PLCG2: variants seen among roughly 807,000 people sequenced by gnomAD.
PLCG2 encodes the protein 1-phosphatidylinositol 4,5-bisphosphate phosphodiesterase gamma-2.
A neutral mutation model predicts 175.6 loss-of-function variants in PLCG2; 69 were observed. That is an observed-to-expected ratio of 0.39 (90% confidence interval 0.32 to 0.48). The LOEUF is 0.48. Among genes scored for constraint, PLCG2 ranks in the 20% least tolerant of loss-of-function variants. The pLI is 0.91. For missense variants in PLCG2, 1,798 were observed against 1,650.9 expected (o/e 1.09, Z -1.54); for synonymous variants, 827 against 624.0 (o/e 1.33, Z -4.85).
At chr16:81,762,363 G>T (rs1486831966) in intron 2 of PLCG2, among the ~76,000 whole-genome samples, 2 of 152,206 alleles carry the variant, frequency 1.3e-5, no homozygotes, top group East Asian at 3.9e-4. Flanking sequence ...GAGGTCAGGA[G>T]TTCAAGACCA....
At chr16:81,795,507 G>A (rs1333311853) in intron 2 of PLCG2, among the ~76,000 whole-genome samples, 1 of 152,210 alleles carries the variant, frequency 6.6e-6, no homozygotes, top group Non-Finnish European at 1.5e-5. Flanking sequence ...GATCCAGTGG[G>A]ATTGGGGGTG....
chr16:81,940,209 G>T (rs550323438), intron 30 of PLCG2, 150 bp downstream of exon 30: 1 of 622,902 alleles, frequency 1.6e-6, no homozygotes, highest in Non-Finnish European at 2.8e-6. Flanking sequence ...CAGGTGTACA[G>T]CCTGTCGTGT....
chr16:81,932,384 G>A (rs1910538217), intron 25 of PLCG2, among the ~76,000 whole-genome samples: 1 of 152,184 alleles, frequency 6.6e-6, no homozygotes, highest in African/African-American at 2.4e-5. Flanking sequence ...AGAGCGACAT[G>A]GGAAAGTGCC....
chr16:81,923,270 G>T (rs751447474), intron 21 of PLCG2: 22 of 502,788 alleles, frequency 4.4e-5, no homozygotes, highest in Non-Finnish European at 7.6e-5. Flanking sequence ...AGGTACCCTT[G>T]GCTCTGACTA....
At chr16:81,860,930 T>C (rs1274215472) in intron 5 of PLCG2, among the ~76,000 whole-genome samples, 2 of 152,086 alleles carry the variant, frequency 1.3e-5, no homozygotes, top group East Asian at 3.9e-4. Flanking sequence ...TGAGCCGAGA[T>C]CGCGCCACTC....
intron 2 of PLCG2, among the ~76,000 whole-genome samples, chr16:81,808,279 CTG>C (rs1904291134): frequency 6.6e-6 from 1 of 152,168 alleles, no homozygotes; most frequent in Admixed American, 6.5e-5. Flanking sequence ...TTGCCAAGGC[CTG>C]TTGGCTGTTT....
At chr16:81,858,048 G>A (rs1567501665) in intron 3 of PLCG2, 2 of 538,880 alleles carry the variant, frequency 3.7e-6, no homozygotes, top group Non-Finnish European at 6.7e-6. Context: ...CATCCCTGTG[G>A]TACAAAGCTC....
In PLCG2 at chr16:81,916,824, G is replaced by A. The variant is rs149263393; in HGVS notation, c.2055-2660G>A. On this transcript the variant is annotated intron_variant, in intron 19 of 32. Transcript: ENST00000564138. The stretch of plus-strand genomic sequence containing the variant: ...GGCTAAGTTTTGTATTTTTGGTAAA[G>A]GTGGGGTTTCACCATGTTGGCCAGG... 6.6e-3 allele frequency among the ~76,000 whole-genome samples: 1,006 copies of A among 152,182 alleles called. 16 individuals carry two copies. The highest frequency in any genetic ancestry group is 0.023 in the African/African-American group (971 of 41,500).
At chr16:81,753,052 CT>C (rs1165763208) in intron 1 of PLCG2, among the ~76,000 whole-genome samples, 1 of 152,210 alleles carries the variant, frequency 6.6e-6, no homozygotes, top group Non-Finnish European at 1.5e-5. Context: ...TAGCTAGTGC[CT>C]GTGGCTCAGT....
In PLCG2 at chr16:81,768,452, C is replaced by G. The variant is rs79864539; in HGVS notation, c.-48+12486C>G. 5.4e-3 allele frequency among the ~76,000 whole-genome samples: 812 copies of G among 150,748 alleles called. 4 individuals are homozygous for G. The highest frequency in any genetic ancestry group is 0.018 in the African/African-American group (758 of 41,020). ...GGTCATATGGTAAGTGAATGTTTAA[C>G]TTTTTAAAGAAACTGCCCAGCTGTT... is the stretch of plus-strand genomic sequence containing the variant. On this transcript the variant is annotated intron_variant, in intron 2 of 5. Transcript: ENST00000565054.
chr16:81,921,315 C>A, intron 21 of PLCG2, 46 bp downstream of exon 21: 1 of 1,217,296 alleles, frequency 8.2e-7, no homozygotes, highest in Non-Finnish European at 1.2e-6. Context: ...AGTCACGAGG[C>A]TGATGTGGAT....
At chr16:81,903,970 G>A (rs1258040426) in intron 14 of PLCG2, among the ~76,000 whole-genome samples, 1 of 152,208 alleles carries the variant, frequency 6.6e-6, no homozygotes. Context: ...GTGGTCATAT[G>A]TATCTTCTTA....
chr16:81,773,831 G>A (rs1439524665), intron 2 of PLCG2, among the ~76,000 whole-genome samples: 1 of 152,152 alleles, frequency 6.6e-6, no homozygotes, highest in East Asian at 1.9e-4. Context: ...CAGAGAGTGA[G>A]CGACTGGGAC....
At chr16:81,801,645 C>T (rs1911724186) in intron 2 of PLCG2, among the ~76,000 whole-genome samples, 1 of 152,070 alleles carries the variant, frequency 6.6e-6, no homozygotes, top group Non-Finnish European at 1.5e-5. Context: ...ACCTATCTCC[C>T]ATTTTTTCGA....
intron 3 of PLCG2, 57 bp from the exon 4 acceptor site, chr16:81,858,206 A>G: frequency 8.1e-7 from 1 of 1,228,034 alleles, no homozygotes; most frequent in Non-Finnish European, 1.2e-6. Context: ...AGGGCTTTGT[A>G]AGCAGACGTC....
At chr16:81,769,658 A>T (rs1455045922) in intron 2 of PLCG2, among the ~76,000 whole-genome samples, 2 of 151,862 alleles carry the variant, frequency 1.3e-5, no homozygotes, top group African/African-American at 2.4e-5. Context: ...TCTACTAAAA[A>T]TACAAAAAAA....
chr16:81,900,562 C>T (rs1909105514), intron 13 of PLCG2, 50 bp from the exon 14 acceptor site: 27 of 1,523,848 alleles, frequency 1.8e-5, no homozygotes, highest in Non-Finnish European at 2.4e-5. Context: ...GGGGCAGATG[C>T]AGAGGTGTGT....
At chr16:81,789,884 A>G (rs1597319873) in intron 2 of PLCG2, among the ~76,000 whole-genome samples, 1 of 131,828 alleles carries the variant, frequency 7.6e-6, no homozygotes, top group African/African-American at 2.9e-5. Context: ...TTGGATGCCC[A>G]CTGTAGGCGC....
chr16:81,872,426 A>AT (rs796704373), intron 7 of PLCG2, among the ~76,000 whole-genome samples: 7 of 152,274 alleles, frequency 4.6e-5, no homozygotes, highest in African/African-American at 1.4e-4. Context: ...TTTAATGTTG[A>AT]TTTTGTGTGT....
Sources: gnomAD v4.1 joint callset for allele counts (sites outside exome capture counted in the v4.1 genomes callset) on GRCh38, gnomAD v4.1.1 for gene constraint, MANE v1.5 for transcripts, NCBI Gene and HGNC (gene_info 2026-07-23, HGNC 2026-07-21) for gene names.